The following FRMD4A variants were observed in gnomAD, a reference collection of about 807,000 sequenced individuals.
The protein encoded by FRMD4A is FERM domain-containing protein 4A.
In FRMD4A, 29 loss-of-function variants were observed where a neutral mutation model predicts 129.1. The ratio of observed to expected loss-of-function variants is 0.22; its 90% CI spans 0.17 to 0.31. The LOEUF is 0.31. FRMD4A is among the 10% of genes least tolerant of loss of function. The pLI is 1.00. For synonymous variants in FRMD4A, 634 were observed against 571.6 expected, an observed-to-expected ratio of 1.11 and a Z score of -1.56; for missense variants, 1,272 against 1,375.8, an observed-to-expected ratio of 0.92 and a Z score of 1.19.
At chr10:13,968,028 A>C (rs1192229774) in intron 2 of FRMD4A, among the ~76,000 whole-genome samples, 3 of 152,186 alleles carry the variant, frequency 2.0e-5, no homozygotes, top group Non-Finnish European at 4.4e-5. Flanking sequence ...GGGGGCGCTT[A>C]AGACATTTTA....
intron 23 of FRMD4A, 189 bp from the exon 24 acceptor site, chr10:13,652,163 A>AGTTT (rs2081676366): frequency 1.7e-6 from 1 of 605,762 alleles, no homozygotes; most frequent in Non-Finnish European, 3.0e-6. Context: ...CAAAATACCT[A>AGTTT]GTTTGTTAGG....
chr10:14,100,129 T>C (rs1367105559), intron 2 of FRMD4A, among the ~76,000 whole-genome samples: 1 of 152,258 alleles, frequency 6.6e-6, no homozygotes, highest in Non-Finnish European at 1.5e-5. Context: ...TGGCTGGCTC[T>C]GTCCTTTATG....
At chr10:14,211,327 G>T (rs1312432530) in intron 2 of FRMD4A, among the ~76,000 whole-genome samples, 1 of 152,170 alleles carries the variant, frequency 6.6e-6, no homozygotes, top group Admixed American at 6.6e-5. Flanking sequence ...TTGGAAAAGT[G>T]AGGCTGCTTG....
intron 2 of FRMD4A, among the ~76,000 whole-genome samples, chr10:14,168,037 A>G (rs1201891426): frequency 6.6e-6 from 1 of 152,170 alleles, no homozygotes; most frequent in East Asian, 1.9e-4. Flanking sequence ...AAGACTCTTC[A>G]CTTTTAAACA....
At chr10:13,675,501 A>C (rs2083902828) in intron 15 of FRMD4A, 1 of 154,666 alleles carries the variant, frequency 6.5e-6, no homozygotes. Context: ...TCCCAGGTTC[A>C]AGTGATTCTC....
chr10:13,796,636 GT>G (rs781683686), intron 4 of FRMD4A, 48 bp from the exon 5 acceptor site: 2 of 979,648 alleles, frequency 2.0e-6, no homozygotes, highest in Non-Finnish European at 3.3e-6. Context: ...TTTTGCAGAA[GT>G]TTTTTTGGGG....
At chr10:13,849,935 G>A (rs551301624) in intron 3 of FRMD4A, among the ~76,000 whole-genome samples, 2 of 151,798 alleles carry the variant, frequency 1.3e-5, no homozygotes, top group Admixed American at 6.6e-5. Flanking sequence ...TTGGGAGGCC[G>A]AGGTGGGTGG....
intron 2 of FRMD4A, among the ~76,000 whole-genome samples, chr10:14,046,549 G>C (rs980533991): frequency 1.3e-5 from 2 of 152,150 alleles, no homozygotes; most frequent in African/African-American, 4.8e-5. Context: ...ATGAAAGGTA[G>C]AATTATTTTA....
chr10:13,690,754 C>T (rs571478071), intron 15 of FRMD4A, among the ~76,000 whole-genome samples: 4 of 152,264 alleles, frequency 2.6e-5, no homozygotes, highest in South Asian at 2.1e-4. Context: ...CCAGCTGCTA[C>T]TACTAACTCC....
chr10:13,792,811 G>T (rs755813395), intron 5 of FRMD4A, among the ~76,000 whole-genome samples: 1 of 152,164 alleles, frequency 6.6e-6, no homozygotes, highest in Non-Finnish European at 1.5e-5. Context: ...GTCAATGAAG[G>T]CAGGATCTGA....
rs772555677 is a variant in FRMD4A at position 14,280,982 on chromosome 10, ATTTTTTTTTTTT to A, written c.45+49064_45+49075del. ...CCCTGATCCAATCTGACTGGTTTCA[ATTTTTTTTTTTT>A]TTTTTTTTTTTTTTTGCAACGGAGT... On this transcript the variant is annotated intron_variant, in intron 2 of 24. Coordinates refer to ENST00000357447, the MANE Select transcript of FRMD4A (RefSeq NM_018027.5). Among the ~76,000 whole-genome samples the A allele has an allele frequency of 2.1e-3, 159 of 76,558 alleles. 1 individual carries two copies. The highest frequency in any genetic ancestry group is 7.3e-3 in the African/African-American group (136 of 18,612). The allele number at this position is 76,558 out of a possible 152,430, so 50.2% of individuals were successfully genotyped here.
chr10:13,656,317 G>C (rs949146543), intron 22 of FRMD4A, among the ~76,000 whole-genome samples: 25 of 152,186 alleles, frequency 1.6e-4, no homozygotes, highest in African/African-American at 4.3e-4. Context: ...TAAACCCAGA[G>C]ACATTACTTT....
At chr10:13,830,780 G>A (rs1330110784) in intron 3 of FRMD4A, among the ~76,000 whole-genome samples, 3 of 152,032 alleles carry the variant, frequency 2.0e-5, no homozygotes, top group African/African-American at 7.2e-5. Flanking sequence ...GGAGTACTTG[G>A]TGTCATAAGT....
intron 15 of FRMD4A, chr10:13,684,610 A>G: frequency 1.0e-6 from 1 of 985,468 alleles, no homozygotes; most frequent in South Asian, 4.7e-5. Flanking sequence ...CCAATTGTTC[A>G]GAAGACCCTG....
At chr10:14,299,669 G>A (rs1453879373) in intron 2 of FRMD4A, among the ~76,000 whole-genome samples, 1 of 152,142 alleles carries the variant, frequency 6.6e-6, no homozygotes, top group Non-Finnish European at 1.5e-5. Flanking sequence ...CTGGCCATAA[G>A]CACAGAAGCC....
intron 6 of FRMD4A, among the ~76,000 whole-genome samples, chr10:13,764,201 G>GTGTT (rs1279426866): frequency 6.6e-6 from 1 of 151,600 alleles, no homozygotes; most frequent in Non-Finnish European, 1.5e-5. Context: ...GTGTGTGTGT[G>GTGTT]TGTGTGTGTG....
intron 2 of FRMD4A, among the ~76,000 whole-genome samples, chr10:14,126,151 A>G (rs142120554): frequency 0.012 from 1,834 of 148,488 alleles, 31 homozygotes; most frequent in African/African-American, 0.043. Context: ...GTCCTCACCC[A>G]TCACAAAACC....
chr10:14,172,482 A>T (rs1841527150), intron 2 of FRMD4A, among the ~76,000 whole-genome samples: 1 of 152,190 alleles, frequency 6.6e-6, no homozygotes, highest in South Asian at 2.1e-4. Context: ...CTGGGTCCTG[A>T]TTATTTGCAT....
chr10:14,016,880 C>T (rs2095700877), intron 2 of FRMD4A, among the ~76,000 whole-genome samples: 1 of 152,234 alleles, frequency 6.6e-6, no homozygotes, highest in African/African-American at 2.4e-5. Context: ...GTATCTGTGT[C>T]AGAAGGCCTT....
Sources: gnomAD v4.1 joint callset for allele counts (sites outside exome capture counted in the v4.1 genomes callset) on GRCh38, gnomAD v4.1.1 for gene constraint, MANE v1.5 for transcripts, NCBI Gene and HGNC (gene_info 2026-07-23, HGNC 2026-07-21) for gene names.